The following CDH18 variants were observed in gnomAD, a reference collection of about 807,000 sequenced individuals.
The protein encoded by CDH18 is cadherin-18.
Under a neutral mutation model 67.9 loss-of-function variants are expected in CDH18, and 31 were observed. The observed-to-expected ratio is 0.46, with a 90% CI of 0.34 to 0.62. CDH18 has a LOEUF of 0.62. Among genes scored for constraint, CDH18 ranks in the 20% least tolerant of loss-of-function variants. The pLI is 0.01. For missense variants in CDH18, 890 were observed against 975.5 expected (o/e 0.91, Z 1.17); for synonymous variants, 362 against 347.2 (o/e 1.04, Z -0.48).
In CDH18 at chr5:20,485,810, T is replaced by C. The variant is rs73062613; in HGVS notation, c.-580+89652A>G. On this transcript the variant is annotated intron_variant, in intron 1 of 14. Transcript: ENST00000507958. ...TGGGATATCTTGTAGGAAAAACATG[T>C]CATAGTTAACATAACAAATGAAGTA... 7.7e-3 allele frequency among the ~76,000 whole-genome samples: 1,177 copies of C among 152,296 alleles called. 11 individuals carry two copies. Among genetic ancestry groups the C allele is most frequent in the African/African-American group, 0.027 (1,133 of 41,564 alleles).
chr5:19,962,449 T>C (rs181437017), intron 2 of CDH18, among the ~76,000 whole-genome samples: 5 of 150,094 alleles, frequency 3.3e-5, no homozygotes, highest in Non-Finnish European at 7.4e-5. Flanking sequence ...AGTATAAAAT[T>C]TTACATTGCA....
intron 5 of CDH18, among the ~76,000 whole-genome samples, chr5:19,640,786 A>G (rs1476185542): frequency 1.3e-5 from 2 of 152,042 alleles, no homozygotes; most frequent in Non-Finnish European, 2.9e-5. Flanking sequence ...TCAAGAAACT[A>G]GAGAGAGTAA....
intron 1 of CDH18, among the ~76,000 whole-genome samples, chr5:20,548,377 T>C (rs1757453854): frequency 6.6e-6 from 1 of 151,862 alleles, no homozygotes; most frequent in East Asian, 1.9e-4. Context: ...ATAAAATATG[T>C]CCCTGGATAC....
intron 2 of CDH18, among the ~76,000 whole-genome samples, chr5:20,089,358 C>T (rs984361331): frequency 6.6e-6 from 1 of 151,952 alleles, no homozygotes; most frequent in Non-Finnish European, 1.5e-5. Context: ...ATGTGTATAT[C>T]AAGTGATTAA....
intron 1 of CDH18, among the ~76,000 whole-genome samples, chr5:20,566,138 A>C (rs2126659241): frequency 6.6e-6 from 1 of 152,184 alleles, no homozygotes; most frequent in East Asian, 1.9e-4. Flanking sequence ...GGCATGACTA[A>C]ATCTGGAAGA....
At chr5:19,998,569 A>G (rs1168221966) in intron 2 of CDH18, among the ~76,000 whole-genome samples, 1 of 152,174 alleles carries the variant, frequency 6.6e-6, no homozygotes, top group African/African-American at 2.4e-5. Flanking sequence ...AGAGTTCAAC[A>G]TAAAATTTGA....
intron 1 of CDH18, among the ~76,000 whole-genome samples, chr5:20,554,185 G>A (rs1442933958): frequency 2.0e-5 from 3 of 152,248 alleles, no homozygotes; most frequent in South Asian, 2.1e-4. Context: ...AGACAGTTCT[G>A]GTCACAGCTA....
intron 1 of CDH18, among the ~76,000 whole-genome samples, chr5:20,384,571 T>A (rs561594159): frequency 6.6e-6 from 1 of 152,296 alleles, no homozygotes; most frequent in Non-Finnish European, 1.5e-5. Flanking sequence ...CTCTTTGACA[T>A]CCTAATTTCC....
intron 2 of CDH18, among the ~76,000 whole-genome samples, chr5:19,979,051 A>G (rs1182883302): frequency 6.6e-6 from 1 of 152,174 alleles, no homozygotes; most frequent in Non-Finnish European, 1.5e-5. Context: ...AACTTCACTC[A>G]TAGAGTGAGT....
intron 2 of CDH18, among the ~76,000 whole-genome samples, chr5:19,978,484 A>G (rs1798714955): frequency 6.6e-6 from 1 of 152,110 alleles, no homozygotes; most frequent in Admixed American, 6.6e-5. Flanking sequence ...TCAATATGCT[A>G]GTTTTATTAG....
rs1743046581 is a variant in CDH18 at position 20,242,622 on chromosome 5, A to ATGTATATATATACACATATATATG, written c.-518+12821_-518+12822insCATATATATGTGTATATATATACA. 2.0e-3 allele frequency among the ~76,000 whole-genome samples: 219 copies of ATGTATATATATACACATATATATG among 106,924 alleles called. 21 individuals carry two copies. The highest frequency in any genetic ancestry group is 9.0e-3 in the African/African-American group (209 of 23,096). 70.1% of individuals were successfully genotyped at this position (106,924 alleles called of 152,430 possible). ...AAAAAAAAAAAAAAAATATATATAT[A>ATGTATATATATACACATATATATG]TATATATATATGTATATATATATAT... On this transcript the variant is annotated intron_variant, in intron 2 of 14. Transcript: ENST00000507958.
At chr5:19,605,680 T>A (rs1368923212) in intron 6 of CDH18, among the ~76,000 whole-genome samples, 1 of 152,078 alleles carries the variant, frequency 6.6e-6, no homozygotes, top group South Asian at 2.1e-4. Flanking sequence ...GCAATTAATG[T>A]AGGGAACTCA....
intron 7 of CDH18, 128 bp downstream of exon 7, chr5:19,590,929 T>C: frequency 1.8e-6 from 1 of 550,530 alleles, no homozygotes; most frequent in Admixed American, 3.5e-5. Context: ...AATGTAATTA[T>C]ATCGCAAAGT....
At chr5:20,421,264 A>G (rs1747837119) in intron 1 of CDH18, among the ~76,000 whole-genome samples, 1 of 151,098 alleles carries the variant, frequency 6.6e-6, no homozygotes. Context: ...GCTATCAGAG[A>G]AGGAATAGCT....
chr5:20,489,782 G>A (rs1325699406), intron 1 of CDH18, among the ~76,000 whole-genome samples: 2 of 151,794 alleles, frequency 1.3e-5, no homozygotes, highest in East Asian at 3.9e-4. Context: ...TTGAAGTTCT[G>A]TAGCTGACAA....
At chr5:20,351,251 GTTTT>G (rs67108487) in intron 1 of CDH18, among the ~76,000 whole-genome samples, 3,910 of 142,808 alleles carry the variant, frequency 0.027, 127 homozygotes, top group African/African-American at 0.074. Flanking sequence ...CATGGGGGTT[GTTTT>G]TTTTTTTTGT....
In CDH18 at chr5:20,423,946, C is replaced by CAAAAAAAAA. The variant is rs553723574; in HGVS notation, c.-580+151507_-580+151515dup. On this transcript the variant is annotated intron_variant, in intron 1 of 14. Transcript: ENST00000507958. ...TGGGCGACTGAGCGAGACTCCGTCTCAAAAAAAAAAAAAAAAAAAAAAAAA... is the reference window on the plus strand; with the variant it reads ...TGGGCGACTGAGCGAGACTCCGTCTCAAAAAAAAAAAAAAAAAAAAAAAAAAAAAAAAAA... Among the ~76,000 whole-genome samples the CAAAAAAAAA allele has an allele frequency of 2.9e-3, 188 of 63,812 alleles. 15 individuals carry two copies. The highest frequency in any genetic ancestry group is 0.016 in the African/African-American group (175 of 11,182). The allele number at this position is 63,812 out of a possible 152,430, so 41.9% of individuals were successfully genotyped here.
At chr5:20,143,372 T>G (rs1275580759) in intron 2 of CDH18, among the ~76,000 whole-genome samples, 1 of 152,012 alleles carries the variant, frequency 6.6e-6, no homozygotes, top group African/African-American at 2.4e-5. Flanking sequence ...ATTTATTTAT[T>G]TACTTATTTA....
intron 5 of CDH18, among the ~76,000 whole-genome samples, chr5:19,648,450 A>G (rs1755100799): frequency 6.6e-6 from 1 of 152,048 alleles, no homozygotes; most frequent in Non-Finnish European, 1.5e-5. Context: ...TAATAAAGGG[A>G]GGCAGTCAGA....
Sources: gnomAD v4.1 joint callset for allele counts (sites outside exome capture counted in the v4.1 genomes callset) on GRCh38, gnomAD v4.1.1 for gene constraint, MANE v1.5 for transcripts, NCBI Gene and HGNC (gene_info 2026-07-23, HGNC 2026-07-21) for gene names.